The following GPRC5B variants were observed in gnomAD, a reference collection of about 807,000 sequenced individuals.
GPRC5B encodes the protein G protein-coupled receptor class C group 5 member B.
Under a neutral mutation model 30.1 loss-of-function variants are expected in GPRC5B, and 16 were observed. The observed-to-expected ratio is 0.53, with a 90% CI of 0.36 to 0.81. The LOEUF (loss-of-function observed/expected upper bound fraction) is 0.81, where lower values mean the gene tolerates loss of function less well. Among genes scored for constraint, GPRC5B ranks in the 30% least tolerant of loss-of-function variants. The pLI is 0.01. For synonymous variants in GPRC5B, 241 were observed against 239.5 expected (o/e 1.01, Z -0.06); for missense variants, 428 against 544.7 (o/e 0.79, Z 2.13).
chr16:19,880,661 GAGGTAGAACCT>G (rs979683897), intron 1 of GPRC5B, among the ~76,000 whole-genome samples: 1 of 152,142 alleles, frequency 6.6e-6, no homozygotes, highest in Admixed American at 6.5e-5. Context: ...CCTCGCTGTG[GAGGTAGAACCT>G]AGGCCAGAGG....
At position 19,872,326 on chromosome 16, in the gene GPRC5B, C is replaced by T. The variant is rs1228121501; in HGVS notation, c.520G>A (p.Val174Ile). The T allele has an allele frequency of 1.2e-6, 2 of 1,613,968 alleles. No homozygotes were observed. Among genetic ancestry groups the T allele is most frequent in the Admixed American group, 3.3e-5 (2 of 60,014 alleles). Residue 174 changes from valine (V) to isoleucine (I), a missense_variant, in exon 2 of 4, where the codon GTC becomes ATC. Physicochemically the swap from Val to Ile is conservative, Grantham distance 29. Around this residue, in one of 3 missense-constraint regions of GPRC5B, gnomAD observed 196 missense variants for 272.6 expected, o/e 0.72. Coordinates refer to ENST00000300571, the MANE Select transcript of GPRC5B (RefSeq NM_016235.3). The surrounding 1 kb of genome is among the most constrained non-coding windows in gnomAD (Gnocchi z 5.0). ...GLALCLMLVQ[V>I]IIAVEWLVLT... ...ACCAGCCACTCCACAGCGATGATGACTTGCACCAGCATCAGGCACAGCGCC... is the reference window on the plus strand; with the variant it reads ...ACCAGCCACTCCACAGCGATGATGATTTGCACCAGCATCAGGCACAGCGCC...
At chr16:19,884,696 C>A (rs1330749716) in intron 1 of GPRC5B, 31 bp downstream of exon 1, 1 of 985,172 alleles carries the variant, frequency 1.0e-6, no homozygotes, top group African/African-American at 1.7e-5. Flanking sequence ...CCCACAGCGT[C>A]CTCCACTGCA....
At chr16:19,879,811 G>T (rs2056790056) in intron 1 of GPRC5B, among the ~76,000 whole-genome samples, 1 of 152,110 alleles carries the variant, frequency 6.6e-6, no homozygotes, top group Non-Finnish European at 1.5e-5. Context: ...AGTTAATGGG[G>T]TAAGCACTTT....
intron 1 of GPRC5B, among the ~76,000 whole-genome samples, chr16:19,875,793 T>A (rs1233093796): frequency 6.6e-6 from 1 of 151,916 alleles, no homozygotes; most frequent in Non-Finnish European, 1.5e-5. Flanking sequence ...AATAAATAAA[T>A]AAAAATAAAA....
chr16:19,865,852 G>A (rs2056662149), intron 2 of GPRC5B, among the ~76,000 whole-genome samples: 1 of 152,174 alleles, frequency 6.6e-6, no homozygotes, highest in Non-Finnish European at 1.5e-5. Flanking sequence ...GGTTACATCT[G>A]AGAATCACTT....
At chr16:19,860,624 G>A (rs1567206415) in intron 3 of GPRC5B, 80 bp from the exon 4 acceptor site, 5 of 886,910 alleles carry the variant, frequency 5.6e-6, no homozygotes, top group South Asian at 1.4e-5. Flanking sequence ...CGTAAACAAC[G>A]CGGCAAAAAT....
rs2056591374 is a variant in GPRC5B at position 19,858,448 on chromosome 16, T to C, written c.*2052A>G. 1 of 669,590 alleles carries C rather than the reference T, an allele frequency of 1.5e-6. No individual in the cohort carries two copies. The highest frequency in any genetic ancestry group is 1.8e-5 in the African/African-American group (1 of 55,896). The allele number at this position is 669,590 out of a possible 1,614,324, so 41.5% of individuals were successfully genotyped here. A position where few individuals can be genotyped will look rare whatever the true frequency, so the allele number is the denominator to read the frequency against. On this transcript the variant is annotated 3_prime_UTR_variant, in exon 4 of 4. Coordinates refer to ENST00000300571, the MANE Select transcript of GPRC5B (RefSeq NM_016235.3). ...GTGCTCACCTTATATGCTTGGACAA[T>C]AAAGAACTTAGAAAACGAACGTGTG...
chr16:19,868,060 C>A (rs146557088), intron 2 of GPRC5B, among the ~76,000 whole-genome samples: 17 of 150,930 alleles, frequency 1.1e-4, no homozygotes, highest in African/African-American at 3.9e-4. Flanking sequence ...GAGTGAGACT[C>A]CATCTAGAAA....
intron 2 of GPRC5B, among the ~76,000 whole-genome samples, chr16:19,868,705 A>G (rs2056686329): frequency 6.6e-6 from 1 of 152,238 alleles, no homozygotes; most frequent in Non-Finnish European, 1.5e-5. Flanking sequence ...AGAAGAGAGC[A>G]GCTGATAAAG....
intron 2 of GPRC5B, among the ~76,000 whole-genome samples, chr16:19,862,637 C>A (rs151097563): frequency 3.9e-4 from 59 of 152,230 alleles, no homozygotes; most frequent in African/African-American, 1.4e-3. Flanking sequence ...AGAAGCCGGG[C>A]GCAGTGGCTC....
upstream of GPRC5B, chr16:19,885,481 A>G: frequency 8.8e-7 from 1 of 1,140,084 alleles, no homozygotes; most frequent in Non-Finnish European, 1.1e-6. This position sits in a 1 kb window ranked among gnomAD's most constrained non-coding sequence, Gnocchi z 5.3. Flanking sequence ...TTGTCCGTTT[A>G]CGCACACTGG....
chr16:19,881,797 A>G (rs1384181256), intron 1 of GPRC5B, among the ~76,000 whole-genome samples: 1 of 152,194 alleles, frequency 6.6e-6, no homozygotes, highest in African/African-American at 2.4e-5. Context: ...AAAGACAATC[A>G]TGATTCCCAT....
chr16:19,884,881 C>G (rs1275170755), upstream of GPRC5B: 5 of 980,290 alleles, frequency 5.1e-6, no homozygotes, highest in East Asian at 1.1e-4. Context: ...CGAGGCGCCC[C>G]CTGGCCCGGC....
intron 2 of GPRC5B, among the ~76,000 whole-genome samples, chr16:19,868,409 T>C (rs2056683998): frequency 6.6e-6 from 1 of 151,754 alleles, no homozygotes; most frequent in Non-Finnish European, 1.5e-5. Context: ...AAAACATGAA[T>C]GTATAAAAGT....
chr16:19,869,462 G>A (rs916234413), intron 2 of GPRC5B, among the ~76,000 whole-genome samples: 2 of 151,780 alleles, frequency 1.3e-5, no homozygotes, highest in East Asian at 1.9e-4. Flanking sequence ...TCAAAGAACC[G>A]AGAAAGGGCA....
intron 1 of GPRC5B, among the ~76,000 whole-genome samples, chr16:19,875,909 AC>A (rs1185497207): frequency 6.6e-6 from 1 of 152,266 alleles, no homozygotes; most frequent in Non-Finnish European, 1.5e-5. Flanking sequence ...GTCACGAGGT[AC>A]TAAAGCACAC....
At chr16:19,865,414 G>C (rs934288951) in intron 2 of GPRC5B, among the ~76,000 whole-genome samples, 1 of 152,100 alleles carries the variant, frequency 6.6e-6, no homozygotes, top group African/African-American at 2.4e-5. Flanking sequence ...GCCATCAAAA[G>C]GTTCTTGAAA....
At chr16:19,880,447 T>TAAAAC (rs1481966931) in intron 1 of GPRC5B, among the ~76,000 whole-genome samples, 16 of 151,480 alleles carry the variant, frequency 1.1e-4, no homozygotes, top group African/African-American at 3.6e-4. Flanking sequence ...TAAAATAAAA[T>TAAAAC]AAAATAAAAT....
intron 2 of GPRC5B, 45 bp downstream of exon 2, chr16:19,871,771 T>C (rs774423685): frequency 1.3e-6 from 2 of 1,544,112 alleles, no homozygotes; most frequent in South Asian, 1.1e-5. Flanking sequence ...TCTTTTGAGA[T>C]GAATGGTCCC....
Sources: allele counts gnomAD v4.1 joint callset (sites outside exome capture counted in the v4.1 genomes callset), GRCh38; gene constraint gnomAD v4.1.1; regional missense constraint gnomAD v4.1.1; non-coding constraint Gnocchi (gnomAD v3.1); transcripts MANE v1.5; gene names NCBI Gene and HGNC (gene_info 2026-07-23, HGNC 2026-07-21).